The following PTPRD variants were observed in gnomAD, a reference collection of about 807,000 sequenced individuals.
The protein encoded by PTPRD is protein tyrosine phosphatase receptor type D.
PTPRD carries 34 observed loss-of-function variants against 214.5 expected under a neutral mutation model. That is an observed-to-expected ratio of 0.16 (90% CI 0.12 to 0.21). The LOEUF (loss-of-function observed/expected upper bound fraction) is 0.21, where lower values mean the gene tolerates loss of function less well. Ranked by LOEUF, PTPRD falls within the 10% of genes least tolerant of loss-of-function variation. The pLI is 1.00. For synonymous variants in PTPRD, 1,128 were observed against 845.7 expected, an observed-to-expected ratio of 1.33 and a Z score of -5.79; for missense variants, 2,545 against 2,398.7, an observed-to-expected ratio of 1.06 and a Z score of -1.27.
intron 11 of PTPRD, among the ~76,000 whole-genome samples, chr9:8,782,527 G>C (rs758529020): frequency 6.6e-5 from 10 of 151,182 alleles, no homozygotes; most frequent in Admixed American, 1.3e-4. Context: ...CCCTTTTCAA[G>C]GTAAATGGGA....
At chr9:9,377,085 A>G (rs1297525883) in intron 9 of PTPRD, among the ~76,000 whole-genome samples, 1 of 152,110 alleles carries the variant, frequency 6.6e-6, no homozygotes, top group East Asian at 1.9e-4. Flanking sequence ...ATGGCAACAT[A>G]TATTTTTTTT....
intron 4 of PTPRD, among the ~76,000 whole-genome samples, chr9:9,986,548 T>C (rs781203370): frequency 6.6e-6 from 1 of 152,116 alleles, no homozygotes; most frequent in Non-Finnish European, 1.5e-5. Flanking sequence ...TGATTAACAA[T>C]AGTTATCTCC....
intron 8 of PTPRD, among the ~76,000 whole-genome samples, chr9:9,513,806 C>A (rs1189530090): frequency 6.6e-6 from 1 of 151,906 alleles, no homozygotes; most frequent in African/African-American, 2.4e-5. Flanking sequence ...ATTGAAAGGG[C>A]AAAACTCTTG....
chr9:9,711,743 G>C (rs544770445), intron 7 of PTPRD, among the ~76,000 whole-genome samples: 1 of 152,142 alleles, frequency 6.6e-6, no homozygotes, highest in Non-Finnish European at 1.5e-5. Context: ...TAAGCGTTCT[G>C]TAATATATAT....
chr9:8,355,570 A>T (rs530705253), intron 39 of PTPRD, among the ~76,000 whole-genome samples: 1 of 152,230 alleles, frequency 6.6e-6, no homozygotes, highest in Non-Finnish European at 1.5e-5. Flanking sequence ...GAATAATACT[A>T]GAAGATGGGA....
At chr9:8,355,831 C>G (rs1009484680) in intron 39 of PTPRD, among the ~76,000 whole-genome samples, 2 of 152,168 alleles carry the variant, frequency 1.3e-5, no homozygotes, top group Non-Finnish European at 2.9e-5. Context: ...GCATTTCCAA[C>G]AAGTTCTAAA....
intron 9 of PTPRD, among the ~76,000 whole-genome samples, chr9:9,383,972 G>C (rs1467577585): frequency 2.0e-5 from 3 of 151,690 alleles, no homozygotes; most frequent in African/African-American, 7.3e-5. Context: ...ATATTGACCA[G>C]AACTAAACAC....
At chr9:9,659,248 G>A (rs546897815) in intron 7 of PTPRD, among the ~76,000 whole-genome samples, 62 of 152,048 alleles carry the variant, frequency 4.1e-4, no homozygotes, top group African/African-American at 1.5e-3. Flanking sequence ...TTACATATGT[G>A]TAGCTTAAAG....
chr9:8,645,142 C>T (rs72698296), intron 12 of PTPRD, among the ~76,000 whole-genome samples: 7,107 of 152,210 alleles, frequency 0.047, 524 homozygotes, highest in African/African-American at 0.15. Flanking sequence ...GGGATTGGCA[C>T]GTACTTTGTG....
intron 12 of PTPRD, among the ~76,000 whole-genome samples, chr9:8,710,980 A>G (rs2098322132): frequency 6.6e-6 from 1 of 152,138 alleles, no homozygotes; most frequent in South Asian, 2.1e-4. Context: ...TGGGAAATTA[A>G]TTTAAACTCC....
chr9:9,807,260 G>C (rs888988246), intron 5 of PTPRD, among the ~76,000 whole-genome samples: 2 of 152,116 alleles, frequency 1.3e-5, no homozygotes, highest in African/African-American at 4.8e-5. Flanking sequence ...TGGTGTGGTG[G>C]AAGATACCCT....
At chr9:8,983,796 C>A (rs2099326245) in intron 11 of PTPRD, among the ~76,000 whole-genome samples, 1 of 152,028 alleles carries the variant, frequency 6.6e-6, no homozygotes, top group African/African-American at 2.4e-5. Context: ...GGATTACAGG[C>A]ATGAGTGCCC....
intron 7 of PTPRD, among the ~76,000 whole-genome samples, chr9:9,584,605 T>A (rs1312901015): frequency 6.6e-6 from 1 of 151,958 alleles, no homozygotes; most frequent in Non-Finnish European, 1.5e-5. Context: ...TTCGTTATTC[T>A]ACACTTTAAA....
At chr9:10,036,790 G>T (rs912751006) in intron 3 of PTPRD, among the ~76,000 whole-genome samples, 2 of 151,942 alleles carry the variant, frequency 1.3e-5, no homozygotes, top group Non-Finnish European at 2.9e-5. Flanking sequence ...CATCATGTTG[G>T]CCAGGATGGT....
intron 2 of PTPRD, among the ~76,000 whole-genome samples, chr9:10,576,356 G>A (rs1249406693): frequency 6.6e-6 from 1 of 152,060 alleles, no homozygotes; most frequent in Non-Finnish European, 1.5e-5. Context: ...ATGGCTGATT[G>A]TTTAAAAATA....
At chr9:9,072,724 T>C (rs1447386234) in intron 10 of PTPRD, among the ~76,000 whole-genome samples, 1 of 152,206 alleles carries the variant, frequency 6.6e-6, no homozygotes, top group African/African-American at 2.4e-5. Context: ...AAATCTTACG[T>C]AGCAGGGACT....
chr9:9,432,127 T>C lies in PTPRD; in HGVS notation c.-236-34645A>G, dbSNP rs534648793. The stretch of plus-strand genomic sequence containing the variant: ...AAACAAAGAAAGGGCACGCAATATA[T>C]ATATCATGCATTGTGTGAGAAAGTT... On this transcript the variant is annotated intron_variant, in intron 8 of 45. Transcript: ENST00000381196. 4.0e-5 allele frequency among the ~76,000 whole-genome samples: 6 copies of C among 150,714 alleles called. No individual in the cohort carries two copies. In the South Asian group the frequency reaches 1.3e-3, roughly 31 times the overall value.
At chr9:8,330,190 C>CCTTTG (rs1029600497) in intron 44 of PTPRD, among the ~76,000 whole-genome samples, 1 of 152,088 alleles carries the variant, frequency 6.6e-6, no homozygotes, top group African/African-American at 2.4e-5. Context: ...TTTAGCTCAC[C>CCTTTG]CTTTGTGGGC....
intron 11 of PTPRD, among the ~76,000 whole-genome samples, chr9:8,789,304 T>G (rs535721238): frequency 6.6e-6 from 1 of 152,192 alleles, no homozygotes; most frequent in African/African-American, 2.4e-5. Flanking sequence ...ACAGAGGTGG[T>G]TGTCTGACCC....
Sources: allele counts gnomAD v4.1 joint callset (sites outside exome capture counted in the v4.1 genomes callset), GRCh38; gene constraint gnomAD v4.1.1; transcripts MANE v1.5; gene names NCBI Gene and HGNC (gene_info 2026-07-23, HGNC 2026-07-21).